PTPN13: variants seen among roughly 807,000 people sequenced by gnomAD.
The protein encoded by PTPN13 is tyrosine-protein phosphatase non-receptor type 13.
In PTPN13, 191 loss-of-function variants were observed where a neutral mutation model predicts 284.0. That is an observed-to-expected ratio of 0.67 (90% confidence interval 0.60 to 0.76). PTPN13 has a LOEUF of 0.76. PTPN13 is among the 30% of genes least tolerant of loss of function. The probability of loss-of-function intolerance (pLI) is 0.00; values close to 1 mark genes in which losing one functional copy is unlikely to be tolerated. For missense variants in PTPN13, 2,797 were observed against 2,939.9 expected, an observed-to-expected ratio of 0.95 and a Z score of 1.12; for synonymous variants, 986 against 1,022.3, an observed-to-expected ratio of 0.96 and a Z score of 0.68.
chr4:86,707,852 A>G (rs1420106466), intron 7 of PTPN13, among the ~76,000 whole-genome samples: 2 of 152,204 alleles, frequency 1.3e-5, no homozygotes, highest in Non-Finnish European at 2.9e-5. Context: ...CAAATACCAC[A>G]TGTATTTCAG....
intron 2 of PTPN13, among the ~76,000 whole-genome samples, chr4:86,668,928 C>G (rs1225164488): frequency 2.0e-5 from 3 of 151,660 alleles, no homozygotes; most frequent in African/African-American, 7.3e-5. Flanking sequence ...TTTTAACAAG[C>G]AAAAGTATGA....
At chr4:86,787,182 C>G (rs940278154) in intron 40 of PTPN13, among the ~76,000 whole-genome samples, 1 of 151,664 alleles carries the variant, frequency 6.6e-6, no homozygotes, top group East Asian at 1.9e-4. Flanking sequence ...CTCATTTATA[C>G]TGAGCTATGA....
intron 7 of PTPN13, among the ~76,000 whole-genome samples, chr4:86,713,624 G>A (rs1359125659): frequency 6.6e-6 from 1 of 151,834 alleles, no homozygotes; most frequent in African/African-American, 2.4e-5. Flanking sequence ...CATACACAAA[G>A]CCAGACAAAG....
chr4:86,596,982 C>T (rs1005151919), intron 1 of PTPN13, among the ~76,000 whole-genome samples: 1 of 152,144 alleles, frequency 6.6e-6, no homozygotes, highest in Non-Finnish European at 1.5e-5. Context: ...TTGGAATATG[C>T]TTTGGGAGAA....
Position 86,758,676 on chromosome 4 carries a change from A to T in PTPN13, c.3314-2A>T. 1.2e-6 allele frequency: 2 copies of T among 1,608,378 alleles called. No homozygotes were observed. The highest frequency in any genetic ancestry group is 1.7e-6 in the Non-Finnish European group (2 of 1,175,152). ...ATCTTTTTAAAATGTGTTATTTTAC[A>T]GGATTTCAAATTATTGGTGGGGAGA... On this transcript the variant is annotated splice_acceptor_variant, in intron 21 of 47. Coordinates refer to ENST00000411767, the MANE Select transcript of PTPN13 (RefSeq NM_080683.3). LOFTEE classifies it high-confidence loss of function.
intron 1 of PTPN13, among the ~76,000 whole-genome samples, chr4:86,607,080 A>T (rs546897955): frequency 2.0e-5 from 3 of 151,996 alleles, no homozygotes; most frequent in African/African-American, 7.2e-5. Flanking sequence ...CTGTCTCAAG[A>T]TAAAAATTAT....
chr4:86,794,911 A>G (rs551105109), intron 40 of PTPN13, among the ~76,000 whole-genome samples: 1 of 152,356 alleles, frequency 6.6e-6, no homozygotes, highest in South Asian at 2.1e-4. Context: ...GATGGATTAA[A>G]GACGTAAATG....
At chr4:86,740,209 A>G (rs956991656) in intron 15 of PTPN13, among the ~76,000 whole-genome samples, 10 of 151,950 alleles carry the variant, frequency 6.6e-5, no homozygotes, top group Non-Finnish European at 1.3e-4. Context: ...GCAGGCTCCA[A>G]CCCCACATTT....
intron 1 of PTPN13, among the ~76,000 whole-genome samples, chr4:86,607,501 G>A (rs905443205): frequency 6.6e-6 from 1 of 152,068 alleles, no homozygotes; most frequent in Middle Eastern, 3.4e-3. Flanking sequence ...GCAATCCTGT[G>A]AAGTAAATGC....
chr4:86,780,550 T>G (rs1443258090), intron 36 of PTPN13, 78 bp downstream of exon 36: 16 of 962,400 alleles, frequency 1.7e-5, no homozygotes, highest in Admixed American at 2.0e-5. Context: ...GGAAAACAGG[T>G]TGACAATTTC....
At chr4:86,810,694 T>G (rs1228410810) in intron 46 of PTPN13, among the ~76,000 whole-genome samples, 3 of 152,228 alleles carry the variant, frequency 2.0e-5, no homozygotes, top group African/African-American at 7.2e-5. Flanking sequence ...AAGATCTTTT[T>G]TAGGTTGGAA....
At chr4:86,704,541 A>G (rs547614340) in intron 7 of PTPN13, among the ~76,000 whole-genome samples, 7 of 152,194 alleles carry the variant, frequency 4.6e-5, no homozygotes, top group Non-Finnish European at 8.8e-5. Context: ...ATTTCTACAT[A>G]TGCTTTTATA....
At chr4:86,774,638 G>C in intron 33 of PTPN13, 107 bp downstream of exon 33, 1 of 1,038,758 alleles carries the variant, frequency 9.6e-7, no homozygotes, top group Non-Finnish European at 1.3e-6. Context: ...TTCGGTTTAT[G>C]CTTTCTGTTT....
chr4:86,608,625 A>C (rs1765003256), intron 1 of PTPN13, among the ~76,000 whole-genome samples: 2 of 152,254 alleles, frequency 1.3e-5, no homozygotes, highest in East Asian at 3.9e-4. Context: ...ACTGAGGTGC[A>C]CTTAGATTAA....
At chr4:86,686,967 T>C (rs1301841869) in intron 4 of PTPN13, among the ~76,000 whole-genome samples, 192 bp downstream of exon 4, 1 of 152,226 alleles carries the variant, frequency 6.6e-6, no homozygotes, top group Non-Finnish European at 1.5e-5. Context: ...AAAGACACTA[T>C]TTTTAAGGTA....
intron 1 of PTPN13, among the ~76,000 whole-genome samples, chr4:86,633,377 A>T (rs1722671958): frequency 6.6e-6 from 1 of 152,032 alleles, no homozygotes; most frequent in Non-Finnish European, 1.5e-5. Flanking sequence ...ACACCTTTAG[A>T]TTCCTAAAGT....
At chr4:86,770,036 C>T in intron 29 of PTPN13, 53 bp downstream of exon 29, 2 of 1,611,432 alleles carry the variant, frequency 1.2e-6, no homozygotes, top group South Asian at 2.2e-5. Context: ...ATGGATTGGC[C>T]TTTCAGAATG....
rs1745621363 is a variant in PTPN13, at chr4:86,814,876, A to G, written c.*325A>G. The G allele has an allele frequency of 5.2e-6, 1 of 192,954 alleles. No individual in the cohort carries two copies. The allele number at this position is 192,954 out of a possible 1,614,324, so 12.0% of individuals were successfully genotyped here. A position where few individuals can be genotyped will look rare whatever the true frequency, so the allele number is the denominator to read the frequency against. On this transcript the variant is annotated 3_prime_UTR_variant, in exon 48 of 48. Transcript: ENST00000411767. ...TATTTTTAATGCACCAATCTTGTTT[A>G]TAGCAAAAATGTTTTCCAATATTTT...
intron 1 of PTPN13, among the ~76,000 whole-genome samples, chr4:86,625,116 T>C (rs1206636858): frequency 6.6e-6 from 1 of 152,158 alleles, no homozygotes; most frequent in African/African-American, 2.4e-5. Flanking sequence ...TGAAGTATCA[T>C]TGGAAAGGTA....
Sources: gnomAD v4.1 joint callset for allele counts (sites outside exome capture counted in the v4.1 genomes callset) on GRCh38, gnomAD v4.1.1 for gene constraint, MANE v1.5 for transcripts, NCBI Gene and HGNC (gene_info 2026-07-23, HGNC 2026-07-21) for gene names.